PTPRT: variants seen among roughly 807,000 people sequenced by gnomAD.
PTPRT encodes receptor-type tyrosine-protein phosphatase T.
PTPRT carries 56 observed loss-of-function variants against 176.8 expected under a neutral mutation model. That is an observed-to-expected ratio of 0.32 (90% confidence interval 0.26 to 0.40). The LOEUF is 0.40. Ranked by LOEUF, PTPRT falls within the 10% of genes least tolerant of loss-of-function variation. The pLI is 1.00. For missense variants in PTPRT, 1,540 were observed against 1,908.2 expected (o/e 0.81, Z 3.60); for synonymous variants, 783 against 739.0 (o/e 1.06, Z -0.96).
intron 7 of PTPRT, among the ~76,000 whole-genome samples, chr20:42,675,632 T>C (rs1455939592): frequency 6.6e-6 from 1 of 152,222 alleles, no homozygotes; most frequent in African/African-American, 2.4e-5. Context: ...ATAAATGATA[T>C]GTCATTAATA....
rs886926416 is a variant in PTPRT at position 42,224,939 on chromosome 20, C to T, written c.2342+11290G>A. Reference sequence around the variant, plus strand: ...CCCCAGCCCTTATATTTGGAAATGGCCATGGTAGTGCACTCTCCCGACCCC... The same window carrying T: ...CCCCAGCCCTTATATTTGGAAATGGTCATGGTAGTGCACTCTCCCGACCCC... On this transcript the variant is annotated intron_variant, in intron 15 of 30. Coordinates refer to ENST00000373187, the MANE Select transcript of PTPRT (RefSeq NM_007050.6). Among the ~76,000 whole-genome samples the T allele has an allele frequency of 2.6e-5, 4 of 152,158 alleles. 1 individual carries two copies. Among genetic ancestry groups the T allele is most frequent in the Admixed American group, 2.6e-4 (4 of 15,276 alleles).
At chr20:42,993,335 G>A (rs1042209234) in intron 1 of PTPRT, among the ~76,000 whole-genome samples, 2 of 148,294 alleles carry the variant, frequency 1.3e-5, no homozygotes, top group African/African-American at 5.1e-5. Context: ...GGAGACTGGC[G>A]TGAACCTGGG....
At chr20:43,088,742 C>T (rs984248741) in intron 1 of PTPRT, among the ~76,000 whole-genome samples, 7 of 152,138 alleles carry the variant, frequency 4.6e-5, no homozygotes, top group African/African-American at 1.4e-4. Context: ...TGCTTGTTAC[C>T]AGTGGATCTG....
chr20:42,346,758 C>G (rs1310278347), intron 11 of PTPRT, among the ~76,000 whole-genome samples: 1 of 152,182 alleles, frequency 6.6e-6, no homozygotes, highest in African/African-American at 2.4e-5. Flanking sequence ...TGGAGCATCA[C>G]TGGCAGAAAG....
intron 9 of PTPRT, among the ~76,000 whole-genome samples, chr20:42,418,824 G>C (rs2059089566): frequency 2.0e-5 from 3 of 152,130 alleles, no homozygotes; most frequent in Non-Finnish European, 4.4e-5. Flanking sequence ...CTGGCTGTAG[G>C]ACACCCTCCC....
intron 9 of PTPRT, among the ~76,000 whole-genome samples, chr20:42,362,304 A>T (rs1226424822): frequency 3.3e-5 from 5 of 152,114 alleles, no homozygotes; most frequent in Non-Finnish European, 5.9e-5. Context: ...AAAAATAAAT[A>T]TGTACATCAT....
intron 8 of PTPRT, among the ~76,000 whole-genome samples, chr20:42,470,721 T>C (rs946162097): frequency 6.6e-6 from 1 of 151,866 alleles, no homozygotes; most frequent in African/African-American, 2.4e-5. Flanking sequence ...GGAAGTAACA[T>C]TTGAGCAAAG....
chr20:42,450,472 T>C (rs573179980), intron 8 of PTPRT, among the ~76,000 whole-genome samples: 77 of 152,316 alleles, frequency 5.1e-4, no homozygotes, highest in African/African-American at 1.8e-3. Flanking sequence ...TAATTAGCCA[T>C]TCACATTGCT....
At chr20:42,144,516 A>G (rs1176047814) in intron 17 of PTPRT, among the ~76,000 whole-genome samples, 1 of 152,138 alleles carries the variant, frequency 6.6e-6, no homozygotes, top group Non-Finnish European at 1.5e-5. Flanking sequence ...AGACAAGTCA[A>G]CAAACATGAG....
intron 7 of PTPRT, among the ~76,000 whole-genome samples, chr20:42,658,420 T>C (rs1474802485): frequency 6.6e-6 from 1 of 152,114 alleles, no homozygotes; most frequent in Non-Finnish European, 1.5e-5. Context: ...AGCACTACAC[T>C]TGGGGGCCAC....
chr20:42,075,172 C>T lies in PTPRT; in HGVS notation c.*5707G>A. On this transcript the variant is annotated 3_prime_UTR_variant, in exon 31 of 31. Transcript: ENST00000373187. Reference sequence around the variant, plus strand: ...AGGAGTAAACAAATCTGAATCTCAGCTTGTCTCTTCTAGTTGGATTTACTT... The same window carrying T: ...AGGAGTAAACAAATCTGAATCTCAGTTTGTCTCTTCTAGTTGGATTTACTT... The T allele has an allele frequency of 3.6e-6, 1 of 279,720 alleles. No individual in the cohort carries two copies. The allele number at this position is 279,720 out of a possible 1,614,324, so 17.3% of individuals were successfully genotyped here.
intron 15 of PTPRT, among the ~76,000 whole-genome samples, chr20:42,226,473 G>C (rs977920907): frequency 6.6e-6 from 1 of 152,192 alleles, no homozygotes; most frequent in African/African-American, 2.4e-5. Context: ...AAAGCACTTT[G>C]GAAGAGATAA....
At chr20:43,023,689 C>T (rs1720432369) in intron 1 of PTPRT, among the ~76,000 whole-genome samples, 1 of 152,164 alleles carries the variant, frequency 6.6e-6, no homozygotes, top group South Asian at 2.1e-4. Flanking sequence ...TGCTTCTCCT[C>T]TCATCTCCAG....
chr20:42,748,961 TAA>T (rs2076729582), intron 6 of PTPRT, among the ~76,000 whole-genome samples: 1 of 152,136 alleles, frequency 6.6e-6, no homozygotes. Flanking sequence ...TAAAACCAAA[TAA>T]GCACCTTGCA....
At chr20:43,125,162 A>AT (rs11477178) in intron 1 of PTPRT, among the ~76,000 whole-genome samples, 56,485 of 145,140 alleles carry the variant, frequency 0.39, 11,587 homozygotes, top group Non-Finnish European at 0.48. Flanking sequence ...CACCTAGCTG[A>AT]TTTTTTTTTT....
intron 24 of PTPRT, 60 bp downstream of exon 24, chr20:42,106,726 T>C: frequency 6.3e-7 from 1 of 1,577,458 alleles, no homozygotes; most frequent in Non-Finnish European, 8.6e-7. Flanking sequence ...CGTTCTATCA[T>C]CATGTTTCTC....
intron 11 of PTPRT, among the ~76,000 whole-genome samples, chr20:42,330,927 T>G (rs2057956644): frequency 6.6e-6 from 1 of 152,224 alleles, no homozygotes. Context: ...AATTAGAATG[T>G]GTACTTTAAG....
intron 1 of PTPRT, among the ~76,000 whole-genome samples, chr20:42,908,141 G>A (rs537914170): frequency 2.8e-4 from 43 of 152,152 alleles, no homozygotes; most frequent in South Asian, 1.0e-3. Context: ...ACGACCCACC[G>A]GGAAGGCAGC....
intron 7 of PTPRT, among the ~76,000 whole-genome samples, chr20:42,664,122 A>C (rs2146013346): frequency 6.6e-6 from 1 of 152,346 alleles, no homozygotes; most frequent in South Asian, 2.1e-4. Flanking sequence ...GATAGATAAA[A>C]TGCATTTATT....
Sources: gnomAD v4.1 joint callset for allele counts (sites outside exome capture counted in the v4.1 genomes callset) on GRCh38, gnomAD v4.1.1 for gene constraint, MANE v1.5 for transcripts, NCBI Gene and HGNC (gene_info 2026-07-23, HGNC 2026-07-21) for gene names.